DENND10: variants seen among roughly 807,000 people sequenced by gnomAD.
DENND10 encodes the protein DENN domain-containing protein 10.
In DENND10, 24 loss-of-function variants were observed where a neutral mutation model predicts 43.6. The ratio of observed to expected loss-of-function variants is 0.55; its 90% CI spans 0.40 to 0.77. DENND10 has a LOEUF of 0.77. DENND10 is among the 30% of genes least tolerant of loss of function. The pLI is 0.00. For missense variants in DENND10, 303 were observed against 429.9 expected (o/e 0.70, Z 2.61); for synonymous variants, 125 against 157.6 (o/e 0.79, Z 1.55).
intron 6 of DENND10, among the ~76,000 whole-genome samples, chr10:119,125,164 G>A (rs1371739899): frequency 6.6e-6 from 1 of 151,730 alleles, no homozygotes; most frequent in Non-Finnish European, 1.5e-5. Flanking sequence ...TAGAGACAGG[G>A]TTTCTCCACG....
chr10:119,129,046 CA>C (rs1365898289), intron 6 of DENND10, among the ~76,000 whole-genome samples: 2 of 151,606 alleles, frequency 1.3e-5, no homozygotes, highest in Non-Finnish European at 2.9e-5. Context: ...TCTGTGAAAT[CA>C]AAAAAATCTG....
At chr10:119,123,906 T>C (rs1435981653) in intron 6 of DENND10, among the ~76,000 whole-genome samples, 2 of 150,520 alleles carry the variant, frequency 1.3e-5, no homozygotes, top group South Asian at 2.1e-4. Context: ...TAAAAAAAAA[T>C]TGTGGCCGGG....
At position 119,110,711 on chromosome 10, in the gene DENND10, T is replaced by A. The variant is rs539250557; in HGVS notation, c.253-1138T>A. Among the ~76,000 whole-genome samples, 5 of 152,216 alleles carry A rather than the reference T, an allele frequency of 3.3e-5. No homozygotes were observed. The East Asian group carries it at 9.7e-4, about 29-fold the overall frequency. On this transcript the variant is annotated intron_variant, in intron 2 of 8. Coordinates refer to ENST00000361432, the MANE Select transcript of DENND10 (RefSeq NM_207009.4). ...ACCTTGTGATCCACCTGCCTCGGCC[T>A]CCCAAAGTGCTGGGATTACAGATGT...
intron 6 of DENND10, 61 bp from the exon 7 acceptor site, chr10:119,129,454 T>C: frequency 9.0e-7 from 1 of 1,112,386 alleles, no homozygotes; most frequent in Non-Finnish European, 1.4e-6. Context: ...GACCCAATTC[T>C]TTTGATGGGT....
chr10:119,127,147 T>G (rs1201912835), intron 6 of DENND10, among the ~76,000 whole-genome samples: 1 of 151,288 alleles, frequency 6.6e-6, no homozygotes, highest in Non-Finnish European at 1.5e-5. Context: ...TCAACAGTCC[T>G]CCCGCCTTGG....
intron 5 of DENND10, among the ~76,000 whole-genome samples, chr10:119,122,813 CTT>C (rs1845637276): frequency 6.6e-6 from 1 of 152,002 alleles, no homozygotes. Context: ...GCAGAGGTGA[CTT>C]TGAATTTTAC....
intron 6 of DENND10, among the ~76,000 whole-genome samples, chr10:119,128,765 C>A (rs1195211482): frequency 6.6e-6 from 1 of 152,086 alleles, no homozygotes; most frequent in Non-Finnish European, 1.5e-5. Flanking sequence ...GAAGCAGGCA[C>A]GTCTTACATG....
intron 3 of DENND10, among the ~76,000 whole-genome samples, chr10:119,112,307 C>T (rs1393781946): frequency 6.6e-6 from 1 of 152,196 alleles, no homozygotes; most frequent in Non-Finnish European, 1.5e-5. Flanking sequence ...TGTGTACAGT[C>T]ATTTTGGGGA....
intron 7 of DENND10, among the ~76,000 whole-genome samples, chr10:119,130,986 G>A (rs1221666401): frequency 6.6e-6 from 1 of 152,226 alleles, no homozygotes. Context: ...ACCTCTTGAA[G>A]AAAGGAGTAT....
intron 6 of DENND10, among the ~76,000 whole-genome samples, chr10:119,126,447 C>T (rs1845836762): frequency 6.6e-6 from 1 of 151,494 alleles, no homozygotes; most frequent in Admixed American, 6.6e-5. Context: ...TTTTTCTCTA[C>T]ATTCTTGCCA....
At position 119,117,512 on chromosome 10, in the gene DENND10, C is replaced by G. The variant is rs73444357; in HGVS notation, c.333-7C>G. 8,572 of 1,611,480 alleles carry G rather than the reference C, an allele frequency of 5.3e-3. 340 individuals are homozygous for G. The African/African-American group carries it at 0.091, about 17-fold the overall frequency. On this transcript the variant is annotated splice_region_variant and splice_polypyrimidine_tract_variant and intron_variant, in intron 3 of 8. Coordinates refer to ENST00000361432, the MANE Select transcript of DENND10 (RefSeq NM_207009.4). ...AATCACAGTTGCTTTGTTGTCCTTT[C>G]TTACAGAATGTACCTGAAACATGGG...
intron 8 of DENND10, among the ~76,000 whole-genome samples, chr10:119,135,812 A>AAAAAAAAAAAAAACC: frequency 6.6e-6 from 1 of 150,566 alleles, no homozygotes; most frequent in Admixed American, 6.6e-5. Context: ...AAAAAAAAAA[A>AAAAAAAAAAAAAACC]AAAACCAAAA....
chr10:119,104,231 A>G, intron 1 of DENND10, 34 bp downstream of exon 1: 2 of 1,497,296 alleles, frequency 1.3e-6, no homozygotes, highest in South Asian at 1.3e-5. Flanking sequence ...GGAAGCCCGC[A>G]CCCTGGTTCT....
chr10:119,115,382 ATTTTTT>A lies in DENND10; in HGVS notation c.333-2119_333-2114del, dbSNP rs397845392. ...CGTCAAGTTGTGAATTGAATTGGTA[ATTTTTT>A]TTTTTTTTTTTTTTTTTGAGACGGA... is the stretch of plus-strand genomic sequence containing the variant. On this transcript the variant is annotated intron_variant, in intron 3 of 8. Coordinates refer to ENST00000361432, the MANE Select transcript of DENND10 (RefSeq NM_207009.4). 4.1e-3 allele frequency among the ~76,000 whole-genome samples: 199 copies of A among 48,424 alleles called. 2 individuals carry two copies. The South Asian group carries it at 0.044, about 11-fold the overall frequency. 31.8% of individuals were successfully genotyped at this position (48,424 alleles called of 152,430 possible).
At chr10:119,116,192 G>C (rs970669140) in intron 3 of DENND10, among the ~76,000 whole-genome samples, 1 of 152,198 alleles carries the variant, frequency 6.6e-6, no homozygotes, top group Non-Finnish European at 1.5e-5. Flanking sequence ...CACAGGAAGA[G>C]ATTTCAAGGG....
rs374544760 is a variant in DENND10, at chr10:119,104,137, C to G, written c.-6C>G. The G allele has an allele frequency of 9.0e-5, 136 of 1,508,430 alleles. No homozygotes were observed. Among genetic ancestry groups the G allele is most frequent in the Non-Finnish European group, 1.2e-4 (132 of 1,129,232 alleles). 93.4% of individuals were successfully genotyped at this position (1,508,430 alleles called of 1,614,324 possible). A position where few individuals can be genotyped will look rare whatever the true frequency, so the allele number is the denominator to read the frequency against. On this transcript the variant is annotated 5_prime_UTR_variant, in exon 1 of 9. Transcript: ENST00000361432. The stretch of plus-strand genomic sequence containing the variant: ...CAGCCAGAGCTGCGCGCCGCGGCGG[C>G]GGAAGATGGCTGCGGCCGAGGTGGC...
chr10:119,106,633 T>A (rs1304663149), intron 1 of DENND10, among the ~76,000 whole-genome samples: 1 of 152,238 alleles, frequency 6.6e-6, no homozygotes, highest in Non-Finnish European at 1.5e-5. Flanking sequence ...CCATTATGCT[T>A]GGCCTAAACA....
intron 3 of DENND10, among the ~76,000 whole-genome samples, chr10:119,115,799 T>C (rs1433682718): frequency 6.7e-6 from 1 of 150,338 alleles, no homozygotes; most frequent in African/African-American, 2.4e-5. Flanking sequence ...AATCTCGCTC[T>C]GTTGCCCAGG....
intron 3 of DENND10, 131 bp downstream of exon 3, chr10:119,112,059 C>T: frequency 1.5e-6 from 1 of 672,598 alleles, no homozygotes; most frequent in Non-Finnish European, 2.6e-6. Flanking sequence ...AGTAGCCCTT[C>T]ACAGACTGTA....
Sources: gnomAD v4.1 joint callset for allele counts (sites outside exome capture counted in the v4.1 genomes callset) on GRCh38, gnomAD v4.1.1 for gene constraint, MANE v1.5 for transcripts, NCBI Gene and HGNC (gene_info 2026-07-23, HGNC 2026-07-21) for gene names.